Variants in ELAVL2 observed in about 807,000 individuals in gnomAD.
The protein encoded by ELAVL2 is ELAV-like protein 2.
In ELAVL2, 4 loss-of-function variants were observed where a neutral mutation model predicts 34.6. That is an observed-to-expected ratio of 0.12 (90% CI 0.06 to 0.26). The LOEUF (loss-of-function observed/expected upper bound fraction) is 0.26, where lower values mean the gene tolerates loss of function less well. Ranked by LOEUF, ELAVL2 falls within the 10% of genes least tolerant of loss-of-function variation. ELAVL2 has a pLI of 1.00. For missense variants in ELAVL2, 432 were observed against 442.8 expected, an observed-to-expected ratio of 0.98 and a Z score of 0.22; for synonymous variants, 193 against 154.8, an observed-to-expected ratio of 1.25 and a Z score of -1.83.
intron 2 of ELAVL2, 147 bp downstream of exon 2, chr9:23,761,855 CTAAG>C: frequency 8.8e-7 from 1 of 1,132,088 alleles, no homozygotes; most frequent in Non-Finnish European, 1.2e-6. Context: ...AAATTTTAAA[CTAAG>C]TTTCATATTG....
intron 1 of ELAVL2, among the ~76,000 whole-genome samples, chr9:23,789,678 C>A (rs2137156863): frequency 6.6e-6 from 1 of 152,300 alleles, no homozygotes; most frequent in Admixed American, 6.5e-5. Flanking sequence ...AACCCACAAT[C>A]TGAATGGCAA....
At chr9:23,843,585 A>C in the ELAVL2 span, among the ~76,000 whole-genome samples, 1 of 152,068 alleles carries the variant, frequency 6.6e-6, no homozygotes, top group Non-Finnish European at 1.5e-5. Context: ...TTAAATTGAT[A>C]ATCTATTATT....
chr9:23,827,713 G>A (rs1354287332), upstream of ELAVL2, among the ~76,000 whole-genome samples: 18 of 152,130 alleles, frequency 1.2e-4, no homozygotes, highest in Admixed American at 1.2e-3. Flanking sequence ...GTCATGGAGG[G>A]GAATGGGACA....
intron 1 of ELAVL2, among the ~76,000 whole-genome samples, chr9:23,782,723 T>A (rs1432800900): frequency 6.6e-6 from 1 of 152,262 alleles, no homozygotes; most frequent in Non-Finnish European, 1.5e-5. Context: ...CCACTTTATA[T>A]GCTCAAATAC....
At chr9:23,774,073 T>G (rs1208509799) in intron 1 of ELAVL2, among the ~76,000 whole-genome samples, 1 of 151,326 alleles carries the variant, frequency 6.6e-6, no homozygotes, top group Non-Finnish European at 1.5e-5. Context: ...TAGCCGGACT[T>G]GGTGGCGGGC....
chr9:23,741,094 G>A (rs946748600), intron 2 of ELAVL2, among the ~76,000 whole-genome samples: 19 of 152,096 alleles, frequency 1.2e-4, no homozygotes, highest in Admixed American at 7.2e-4. Context: ...GGCTTAACCA[G>A]GACCAGCTTG....
chr9:23,831,696 T>G, the ELAVL2 span: 1 of 151,996 alleles, frequency 6.6e-6, no homozygotes, highest in African/African-American at 2.4e-5. Context: ...AATTAAGAAA[T>G]TGAAATTCAG....
chr9:23,811,331 G>GA (rs3838731), intron 1 of ELAVL2, among the ~76,000 whole-genome samples: 12,196 of 138,184 alleles, frequency 0.088, 906 homozygotes, highest in African/African-American at 0.19. Flanking sequence ...ACCTTTCAAG[G>GA]AAAAAAAAAA....
At chr9:23,803,721 C>A (rs560357851) in intron 1 of ELAVL2, among the ~76,000 whole-genome samples, 154 of 152,280 alleles carry the variant, frequency 1.0e-3, no homozygotes, top group African/African-American at 3.6e-3. Flanking sequence ...CACACTTAAT[C>A]CTCTTCTCCT....
intron 1 of ELAVL2, among the ~76,000 whole-genome samples, chr9:23,778,399 T>TC (rs2058559516): frequency 6.6e-6 from 1 of 152,182 alleles, no homozygotes; most frequent in African/African-American, 2.4e-5. Flanking sequence ...ACAGTAGTGT[T>TC]CAACATTTAA....
At chr9:23,821,876 G>A (rs1172749613) in intron 1 of ELAVL2, 5 of 151,310 alleles carry the variant, frequency 3.3e-5, no homozygotes, top group Admixed American at 1.3e-4. Context: ...GGGCTTGCTT[G>A]GAAGAGCGCC....
intron 2 of ELAVL2, among the ~76,000 whole-genome samples, chr9:23,747,672 G>A (rs571786472): frequency 6.6e-6 from 1 of 152,248 alleles, no homozygotes; most frequent in East Asian, 1.9e-4. Flanking sequence ...GTGGGGATAA[G>A]TCTACACAAA....
intron 2 of ELAVL2, among the ~76,000 whole-genome samples, chr9:23,744,365 C>A (rs2050004879): frequency 6.6e-6 from 1 of 152,158 alleles, no homozygotes; most frequent in South Asian, 2.1e-4. Flanking sequence ...TTTTTCAGCT[C>A]ATTCCAATAT....
At chr9:23,824,437 G>A (rs1391615060) in intron 1 of ELAVL2, among the ~76,000 whole-genome samples, 3 of 152,130 alleles carry the variant, frequency 2.0e-5, no homozygotes, top group Non-Finnish European at 4.4e-5. Flanking sequence ...GGCTGACGGT[G>A]CGCTGGCTTT....
At chr9:23,733,192 AC>A (rs1394263662) in intron 2 of ELAVL2, among the ~76,000 whole-genome samples, 19 of 149,856 alleles carry the variant, frequency 1.3e-4, no homozygotes, top group Non-Finnish European at 2.8e-4. Flanking sequence ...AAAAAAAAAA[AC>A]TAAAACAAAA....
intron 1 of ELAVL2, among the ~76,000 whole-genome samples, chr9:23,802,272 G>C (rs920009738): frequency 6.6e-6 from 1 of 152,164 alleles, no homozygotes; most frequent in Admixed American, 6.5e-5. Flanking sequence ...AAAGGGTCAA[G>C]AGCGCTATAA....
intron 1 of ELAVL2, among the ~76,000 whole-genome samples, chr9:23,776,739 CAA>C (rs34583759): frequency 0.032 from 2,492 of 77,646 alleles, 114 homozygotes; most frequent in Admixed American, 0.17. Flanking sequence ...AGTTTGCTAT[CAA>C]AAAAAAAAAA....
chr9:23,776,739 CAAAAA>C (rs34583759), intron 1 of ELAVL2, among the ~76,000 whole-genome samples: 3 of 77,706 alleles, frequency 3.9e-5, no homozygotes, highest in Middle Eastern at 8.2e-3. Context: ...AGTTTGCTAT[CAAAAA>C]AAAAAAAAAA....
At chr9:23,769,247 C>T (rs1274649962) in intron 1 of ELAVL2, among the ~76,000 whole-genome samples, 1 of 152,118 alleles carries the variant, frequency 6.6e-6, no homozygotes, top group African/African-American at 2.4e-5. Flanking sequence ...ACAACCTTTA[C>T]CACACCATCC....
Sources: allele counts gnomAD v4.1 joint callset (sites outside exome capture counted in the v4.1 genomes callset), GRCh38; gene constraint gnomAD v4.1.1; transcripts MANE v1.5; gene names NCBI Gene and HGNC (gene_info 2026-07-23, HGNC 2026-07-21).